Variants in CWH43 observed in about 807,000 individuals in gnomAD.
CWH43 encodes the protein cell wall biogenesis 43 C-terminal homolog.
Under a neutral mutation model 85.7 loss-of-function variants are expected in CWH43, and 91 were observed. The ratio of observed to expected loss-of-function variants is 1.06; its 90% CI spans 0.90 to 1.26. CWH43 has a LOEUF of 1.26. CWH43 is among the 50% of genes most tolerant of loss of function. The probability of loss-of-function intolerance (pLI) is 0.00; values close to 1 mark genes in which losing one functional copy is unlikely to be tolerated. For missense variants in CWH43, 869 were observed against 839.2 expected (o/e 1.04, Z -0.44); for synonymous variants, 323 against 293.6 (o/e 1.10, Z -1.02).
chr4:48,995,951 C>A (rs1407696291), intron 5 of CWH43, among the ~76,000 whole-genome samples: 1 of 152,084 alleles, frequency 6.6e-6, no homozygotes, highest in Admixed American at 6.6e-5. Flanking sequence ...TTACTGATAA[C>A]CTCTCAGCAG....
chr4:49,050,162 G>T (rs1177114620), intron 14 of CWH43, among the ~76,000 whole-genome samples: 1 of 152,152 alleles, frequency 6.6e-6, no homozygotes, highest in African/African-American at 2.4e-5. Flanking sequence ...TGTTTTCCAC[G>T]AGCTTCTCAA....
At chr4:49,036,581 C>T (rs1401043747) in intron 12 of CWH43, among the ~76,000 whole-genome samples, 5 of 152,158 alleles carry the variant, frequency 3.3e-5, no homozygotes, top group African/African-American at 1.2e-4. Flanking sequence ...CATTTTCCCC[C>T]TTAACACTCA....
chr4:49,011,649 C>T (rs954752650), intron 8 of CWH43, among the ~76,000 whole-genome samples: 9 of 152,128 alleles, frequency 5.9e-5, no homozygotes, highest in African/African-American at 2.2e-4. Context: ...TTAGTGCTTC[C>T]TTCAGGAGCT....
intron 15 of CWH43, among the ~76,000 whole-genome samples, chr4:49,061,109 C>T (rs1171288979): frequency 6.6e-6 from 1 of 152,022 alleles, no homozygotes; most frequent in Non-Finnish European, 1.5e-5. Flanking sequence ...TATAAAAAGT[C>T]TTCTAAGGAA....
chr4:49,017,982 T>A (rs1332355304), intron 9 of CWH43, among the ~76,000 whole-genome samples: 2 of 151,836 alleles, frequency 1.3e-5, no homozygotes, highest in South Asian at 4.2e-4. Context: ...CTATAGGCGG[T>A]GTGCCACCAT....
intron 15 of CWH43, among the ~76,000 whole-genome samples, chr4:49,059,034 C>T (rs1785055826): frequency 6.6e-6 from 1 of 152,074 alleles, no homozygotes; most frequent in South Asian, 2.1e-4. Context: ...AGTTCAGCTG[C>T]TTTTTTTAAA....
In CWH43 at chr4:49,010,334, T is replaced by C. The variant is rs144350906; in HGVS notation, c.1186+3008T>C. 9.6e-3 allele frequency among the ~76,000 whole-genome samples: 1,468 copies of C among 152,326 alleles called. 17 individuals are homozygous for C. The highest frequency in any genetic ancestry group is 0.029 in the African/African-American group (1,219 of 41,568). On this transcript the variant is annotated intron_variant, in intron 8 of 15. Coordinates refer to ENST00000226432, the MANE Select transcript of CWH43 (RefSeq NM_025087.3). Reference sequence around the variant, plus strand: ...GATTGAAGGTGATATCCCTTTATCATTTTTTATCATGTCTATTTGATTCTT... The same window carrying C: ...GATTGAAGGTGATATCCCTTTATCACTTTTTATCATGTCTATTTGATTCTT...
chr4:49,028,655 C>T lies in CWH43; in HGVS notation c.1293C>T (p.Ala431=), dbSNP rs776149723. The T allele has an allele frequency of 2.5e-6, 4 of 1,613,720 alleles. No homozygotes were observed. In the Admixed American group the frequency reaches 6.7e-5, roughly 27 times the overall value. Residue 431 remains alanine (A), a synonymous_variant, in exon 10 of 16, where the codon GCC becomes GCT. Coordinates refer to ENST00000226432, the MANE Select transcript of CWH43 (RefSeq NM_025087.3). ...CACCAACCAAAGAGGTCTCTGCTGC[C>T]ATCTGGCCTTTCAGGTTTGGATATG... is the stretch of plus-strand genomic sequence containing the variant. ...KVAPTKEVSA[A]IWPFRFGYDN...
chr4:49,010,921 G>C (rs1431137118), intron 8 of CWH43, among the ~76,000 whole-genome samples: 1 of 152,220 alleles, frequency 6.6e-6, no homozygotes, highest in African/African-American at 2.4e-5. Flanking sequence ...TGGAATAAGT[G>C]TGATGTGGTT....
intron 15 of CWH43, among the ~76,000 whole-genome samples, chr4:49,052,087 C>T (rs765542772): frequency 6.6e-6 from 1 of 152,122 alleles, no homozygotes; most frequent in Non-Finnish European, 1.5e-5. Context: ...AAAGAAATTT[C>T]TCCATTCTCT....
At chr4:48,996,494 ATAT>A (rs1248548002) in intron 5 of CWH43, among the ~76,000 whole-genome samples, 1 of 152,216 alleles carries the variant, frequency 6.6e-6, no homozygotes, top group African/African-American at 2.4e-5. Context: ...ACTTTTGAAA[ATAT>A]TATTTCATTT....
At chr4:49,015,356 T>C (rs188195828) in intron 8 of CWH43, among the ~76,000 whole-genome samples, 2 of 152,232 alleles carry the variant, frequency 1.3e-5, no homozygotes, top group Admixed American at 1.3e-4. Context: ...TGGTTGTTTT[T>C]CTCTTAGCAC....
At chr4:49,034,290 A>G (rs529949720) in intron 12 of CWH43, among the ~76,000 whole-genome samples, 1 of 152,338 alleles carries the variant, frequency 6.6e-6, no homozygotes, top group South Asian at 2.1e-4. Context: ...TATCTTTAAA[A>G]AAAATAATAC....
intron 8 of CWH43, chr4:49,016,758 G>T: frequency 1.3e-6 from 1 of 777,708 alleles, no homozygotes. Context: ...AGCTTCCCTT[G>T]CATCTAGCTT....
At chr4:49,015,278 A>G (rs1402519921) in intron 8 of CWH43, among the ~76,000 whole-genome samples, 1 of 127,792 alleles carries the variant, frequency 7.8e-6, no homozygotes, top group Non-Finnish European at 1.7e-5. Context: ...TTTTTCCCTT[A>G]TGCCCCTCCT....
At chr4:49,060,393 A>T (rs1222246862) in intron 15 of CWH43, among the ~76,000 whole-genome samples, 3 of 151,570 alleles carry the variant, frequency 2.0e-5, no homozygotes, top group African/African-American at 7.3e-5. Context: ...TTGGGTGGGG[A>T]TGGAGCCTGA....
rs553836162 is a variant in CWH43, at chr4:49,008,243, T to A, written c.1186+917T>A. On this transcript the variant is annotated intron_variant, in intron 8 of 15. Coordinates refer to ENST00000226432, the MANE Select transcript of CWH43 (RefSeq NM_025087.3). Reference sequence around the variant, plus strand: ...CCCAGTGATGATGAGCATTTTTTCATGTGTATGTTGGCTGCATAAATGTCT... The same window carrying A: ...CCCAGTGATGATGAGCATTTTTTCAAGTGTATGTTGGCTGCATAAATGTCT... 8.3e-4 allele frequency among the ~76,000 whole-genome samples: 127 copies of A among 152,368 alleles called. 1 individual carries two copies. The highest frequency in any genetic ancestry group is 2.9e-3 in the African/African-American group (121 of 41,590).
chr4:49,051,908 C>T (rs1433540569), intron 15 of CWH43, among the ~76,000 whole-genome samples: 4 of 152,118 alleles, frequency 2.6e-5, no homozygotes, highest in Admixed American at 2.6e-4. Context: ...AATCTATTTG[C>T]AGCAAAACAT....
In CWH43 at chr4:49,039,792, T is replaced by C. The variant is rs189629248; in HGVS notation, c.1803+1612T>C. On this transcript the variant is annotated intron_variant, in intron 13 of 15. Transcript: ENST00000226432. Reference sequence around the variant, plus strand: ...TAAGTTTTAGGGTACATGTGCACAATGTGCAGGTTTGTTACATATGTATAC... The same window carrying C: ...TAAGTTTTAGGGTACATGTGCACAACGTGCAGGTTTGTTACATATGTATAC... Among the ~76,000 whole-genome samples, 902 of 152,052 alleles carry C rather than the reference T, an allele frequency of 5.9e-3. 8 individuals are homozygous for C. The highest frequency in any genetic ancestry group is 0.021 in the African/African-American group (855 of 41,474).
Sources: gnomAD v4.1 joint callset for allele counts (sites outside exome capture counted in the v4.1 genomes callset) on GRCh38, gnomAD v4.1.1 for gene constraint, MANE v1.5 for transcripts, NCBI Gene and HGNC (gene_info 2026-07-23, HGNC 2026-07-21) for gene names.